FGF1: variants seen among roughly 807,000 people sequenced by gnomAD.
FGF1 encodes the protein fibroblast growth factor 1.
Under a neutral mutation model 13.4 loss-of-function variants are expected in FGF1, and 9 were observed. That is an observed-to-expected ratio of 0.67 (90% CI 0.40 to 1.17). The LOEUF (loss-of-function observed/expected upper bound fraction) is 1.17, where lower values mean the gene tolerates loss of function less well. Ranked by LOEUF, FGF1 falls within the 50% of genes most tolerant of loss-of-function variation. The pLI is 0.01. For missense variants in FGF1, 156 were observed against 192.7 expected, an observed-to-expected ratio of 0.81 and a Z score of 1.13; for synonymous variants, 93 against 79.0, an observed-to-expected ratio of 1.18 and a Z score of -0.94.
chr5:142,628,714 T>G (rs912775828), intron 1 of FGF1, among the ~76,000 whole-genome samples: 2 of 152,246 alleles, frequency 1.3e-5, no homozygotes, highest in Non-Finnish European at 2.9e-5. Flanking sequence ...TCATGTCCAC[T>G]GCCCCCTGTC....
intron 1 of FGF1, among the ~76,000 whole-genome samples, chr5:142,641,653 T>G (rs1765216985): frequency 1.3e-5 from 2 of 152,068 alleles, no homozygotes; most frequent in South Asian, 4.1e-4. Flanking sequence ...TTGAGTACTT[T>G]GTTATCTCAT....
chr5:142,607,575 A>C (rs922501209), intron 2 of FGF1, among the ~76,000 whole-genome samples: 2 of 152,254 alleles, frequency 1.3e-5, no homozygotes, highest in East Asian at 3.8e-4. Context: ...GAGAAATTCA[A>C]ACTCAGATAA....
chr5:142,623,747 T>A (rs76909379), intron 1 of FGF1, among the ~76,000 whole-genome samples: 132 of 22,516 alleles, frequency 5.9e-3, no homozygotes, highest in Middle Eastern at 0.043. Flanking sequence ...ATTAAAAAAA[T>A]TTTTTTTTTT....
chr5:142,651,262 T>C (rs17223317), intron 1 of FGF1, among the ~76,000 whole-genome samples: 19,047 of 152,192 alleles, frequency 0.13, 2,478 homozygotes, highest in African/African-American at 0.33. Flanking sequence ...GCAAGACCCC[T>C]GGCTCTGAGT....
At position 142,605,836 on chromosome 5, in the gene FGF1, G is replaced by A. The variant is rs186972645; in HGVS notation, c.170-5031C>T. 9.8e-5 allele frequency among the ~76,000 whole-genome samples: 15 copies of A among 152,302 alleles called. No homozygotes were observed. In the East Asian group the frequency reaches 2.9e-3, roughly 29 times the overall value. On this transcript the variant is annotated intron_variant, in intron 2 of 3. Transcript: ENST00000337706. ...GCTTGTGTAGCTGGCTTGGTGTCCA[G>A]CTCTCTAGTGTGACTTCATTCCAGT...
At chr5:142,602,052 A>G (rs2151829351) in intron 2 of FGF1, among the ~76,000 whole-genome samples, 1 of 152,320 alleles carries the variant, frequency 6.6e-6, no homozygotes, top group Middle Eastern at 3.4e-3. Flanking sequence ...TTAGTTCCCT[A>G]GGAGGATGAG....
At chr5:142,667,546 A>C (rs1183147214) in intron 1 of FGF1, among the ~76,000 whole-genome samples, 1 of 150,672 alleles carries the variant, frequency 6.6e-6, no homozygotes, top group East Asian at 1.9e-4. Context: ...AGATCGGGCC[A>C]CTGCACTCCA....
chr5:142,671,996 C>G (rs1365917402), intron 1 of FGF1: 1 of 152,154 alleles, frequency 6.6e-6, no homozygotes, highest in Admixed American at 6.5e-5. Flanking sequence ...CCTAACCTAA[C>G]CCCATTGTGG....
intron 1 of FGF1, among the ~76,000 whole-genome samples, chr5:142,673,268 T>G (rs1373299063): frequency 6.6e-6 from 1 of 152,088 alleles, no homozygotes; most frequent in Admixed American, 6.5e-5. Flanking sequence ...TTTCTCATCT[T>G]TTATTCTTAG....
intron 1 of FGF1, among the ~76,000 whole-genome samples, chr5:142,682,252 T>C (rs527713756): frequency 6.6e-6 from 1 of 152,198 alleles, no homozygotes; most frequent in East Asian, 1.9e-4. Flanking sequence ...TGCCAGGTAA[T>C]TTTGTATTTT....
chr5:142,633,790 C>T (rs958794748), intron 1 of FGF1, among the ~76,000 whole-genome samples: 1 of 152,126 alleles, frequency 6.6e-6, no homozygotes, highest in East Asian at 1.9e-4. Context: ...GACCTCTGTT[C>T]GAAGCTCATC....
In FGF1 at chr5:142,593,402, C is replaced by A. The variant is rs17217632; in HGVS notation, c.*1888G>T. 3.2e-3 allele frequency: 494 copies of A among 152,276 alleles called. 3 individuals carry two copies. Among genetic ancestry groups the A allele is most frequent in the African/African-American group, 0.011 (452 of 41,576 alleles). 9.4% of individuals were successfully genotyped at this position (152,276 alleles called of 1,614,324 possible). ...CACAAATCTAAAATACTATTATTAA[C>A]CATAATGTCAGCTTACTTAGGTCAA... On this transcript the variant is annotated 3_prime_UTR_variant, in exon 4 of 4. Coordinates refer to ENST00000337706, the MANE Select transcript of FGF1 (RefSeq NM_000800.5).
At chr5:142,614,931 G>A (rs549472098) in intron 1 of FGF1, among the ~76,000 whole-genome samples, 4 of 152,228 alleles carry the variant, frequency 2.6e-5, no homozygotes, top group African/African-American at 4.8e-5. Context: ...TCCCTTGCAC[G>A]CAGGCTGTTT....
At chr5:142,679,305 C>T (rs922957936) in intron 1 of FGF1, among the ~76,000 whole-genome samples, 1 of 152,152 alleles carries the variant, frequency 6.6e-6, no homozygotes, top group African/African-American at 2.4e-5. Flanking sequence ...TCCCTGCCAC[C>T]TGAAATATTC....
At chr5:142,666,677 C>T (rs1597390661) in intron 1 of FGF1, among the ~76,000 whole-genome samples, 1 of 152,330 alleles carries the variant, frequency 6.6e-6, no homozygotes, top group South Asian at 2.1e-4. Context: ...CCAGTTCACG[C>T]CTACAATCCC....
intron 1 of FGF1, among the ~76,000 whole-genome samples, chr5:142,666,276 TAATACACACACACACACACA>T (rs1770327697): frequency 1.2e-5 from 1 of 81,634 alleles, no homozygotes; most frequent in Non-Finnish European, 2.3e-5. Context: ...AAGGAGCATG[TAATACACACACACACACACA>T]CACACACACA....
Position 142,594,368 on chromosome 5 carries a change from G to C in FGF1, c.*922C>G, listed in dbSNP as rs1754834319. On this transcript the variant is annotated 3_prime_UTR_variant, in exon 4 of 4. Coordinates refer to ENST00000337706, the MANE Select transcript of FGF1 (RefSeq NM_000800.5). ...CAGTGTTGGAGAAGCACTGGGCTAG[G>C]ACCCCAAAGCCTCTGCTTACCAGGG... 1 of 152,204 alleles carries C rather than the reference G, an allele frequency of 6.6e-6. No individual in the cohort carries two copies. The highest frequency in any genetic ancestry group is 6.5e-5 in the Admixed American group (1 of 15,276). The allele number at this position is 152,204 out of a possible 1,614,324, so 9.4% of individuals were successfully genotyped here. A position where few individuals can be genotyped will look rare whatever the true frequency, so the allele number is the denominator to read the frequency against.
chr5:142,664,641 G>A (rs545015954), intron 1 of FGF1, among the ~76,000 whole-genome samples: 1 of 152,304 alleles, frequency 6.6e-6, no homozygotes, highest in East Asian at 1.9e-4. Context: ...TATGGAAGTA[G>A]CCATCCAGTA....
At chr5:142,643,699 C>T (rs547899634) in intron 1 of FGF1, among the ~76,000 whole-genome samples, 1 of 152,156 alleles carries the variant, frequency 6.6e-6, no homozygotes, top group Admixed American at 6.5e-5. Context: ...TTATTATGCA[C>T]AGAACATTCT....
Sources: allele counts gnomAD v4.1 joint callset (sites outside exome capture counted in the v4.1 genomes callset), GRCh38; gene constraint gnomAD v4.1.1; transcripts MANE v1.5; gene names NCBI Gene and HGNC (gene_info 2026-07-23, HGNC 2026-07-21).